PRKG1: variants seen among roughly 807,000 people sequenced by gnomAD.
The protein encoded by PRKG1 is cGMP-dependent protein kinase 1.
Under a neutral mutation model 88.1 loss-of-function variants are expected in PRKG1, and 35 were observed. That is an observed-to-expected ratio of 0.40 (90% confidence interval 0.30 to 0.53). The LOEUF is 0.53. PRKG1 is among the 20% of genes least tolerant of loss of function. PRKG1 has a pLI of 0.59. For missense variants in PRKG1, 540 were observed against 839.8 expected (o/e 0.64, Z 4.41); for synonymous variants, 303 against 292.5 (o/e 1.04, Z -0.37).
intron 4 of PRKG1, among the ~76,000 whole-genome samples, chr10:51,808,203 A>G (rs762967259): frequency 3.2e-4 from 48 of 152,304 alleles, no homozygotes; most frequent in Non-Finnish European, 6.0e-4. Context: ...TTTACATCAT[A>G]TAAAACTTTA....
intron 1 of PRKG1, among the ~76,000 whole-genome samples, chr10:51,000,716 G>T (rs1412276007): frequency 6.6e-6 from 1 of 152,150 alleles, no homozygotes; most frequent in African/African-American, 2.4e-5. Context: ...GTTGCTGAGG[G>T]TAAGGCTAAG....
chr10:51,947,383 A>C (rs979763379), intron 5 of PRKG1, among the ~76,000 whole-genome samples: 2 of 152,078 alleles, frequency 1.3e-5, no homozygotes, highest in African/African-American at 4.8e-5. Context: ...TTCTTTGACT[A>C]GGAAAGGGAA....
intron 2 of PRKG1, among the ~76,000 whole-genome samples, chr10:51,432,914 T>G (rs1161663939): frequency 3.3e-5 from 5 of 152,154 alleles, no homozygotes; most frequent in African/African-American, 9.6e-5. Context: ...TAGGTCTGAA[T>G]AGATAGAATA....
intron 2 of PRKG1, among the ~76,000 whole-genome samples, chr10:51,193,072 T>C (rs996335997): frequency 3.3e-5 from 5 of 152,022 alleles, no homozygotes; most frequent in Non-Finnish European, 5.9e-5. Context: ...ATGGAATCTT[T>C]ACTAGGGAAA....
At chr10:51,755,557 T>G (rs1837838284) in intron 3 of PRKG1, among the ~76,000 whole-genome samples, 1 of 152,192 alleles carries the variant, frequency 6.6e-6, no homozygotes. Flanking sequence ...ACCTAAGCAT[T>G]TTTTGCACAG....
At chr10:51,354,423 A>ATTT (rs1842320776) in intron 2 of PRKG1, among the ~76,000 whole-genome samples, 1 of 152,154 alleles carries the variant, frequency 6.6e-6, no homozygotes, top group South Asian at 2.1e-4. Context: ...CATGTACCTT[A>ATTT]TAAACATATA....
intron 5 of PRKG1, among the ~76,000 whole-genome samples, chr10:51,974,745 T>C (rs1343730693): frequency 6.6e-6 from 1 of 152,192 alleles, no homozygotes; most frequent in Non-Finnish European, 1.5e-5. Context: ...TATCATTTTC[T>C]GAACCCCAAA....
At chr10:51,356,593 C>T (rs1191836137) in intron 2 of PRKG1, among the ~76,000 whole-genome samples, 1 of 151,964 alleles carries the variant, frequency 6.6e-6, no homozygotes, top group African/African-American at 2.4e-5. Flanking sequence ...TCCTCTGCTG[C>T]TTCTGCCTTT....
chr10:51,975,810 T>C (rs1843818128), intron 5 of PRKG1, among the ~76,000 whole-genome samples: 2 of 152,052 alleles, frequency 1.3e-5, no homozygotes, highest in Admixed American at 1.3e-4. Flanking sequence ...AATAAACACA[T>C]TTTGTTCTCA....
At chr10:51,371,296 G>A (rs1303158760) in intron 2 of PRKG1, among the ~76,000 whole-genome samples, 2 of 152,020 alleles carry the variant, frequency 1.3e-5, no homozygotes, top group Non-Finnish European at 2.9e-5. Context: ...CAGCTACTTG[G>A]GAGGTTGATC....
intron 5 of PRKG1, among the ~76,000 whole-genome samples, chr10:52,028,789 T>C (rs1309859463): frequency 1.3e-5 from 2 of 152,260 alleles, no homozygotes; most frequent in African/African-American, 4.8e-5. Context: ...GATTGTGGAA[T>C]ATTAGTGTAA....
At chr10:51,400,439 T>G (rs1837705990) in intron 2 of PRKG1, among the ~76,000 whole-genome samples, 1 of 151,770 alleles carries the variant, frequency 6.6e-6, no homozygotes, top group Admixed American at 6.6e-5. Flanking sequence ...AGAGATGGAG[T>G]CTTCTGCCAG....
At chr10:52,166,799 A>ATATATGTATATATATGTG (rs530936087) in intron 9 of PRKG1, among the ~76,000 whole-genome samples, 2 of 70,800 alleles carry the variant, frequency 2.8e-5, no homozygotes, top group African/African-American at 1.1e-4. Context: ...ATATATATAC[A>ATATATGTATATATATGTG]TATATATATG....
intron 6 of PRKG1, among the ~76,000 whole-genome samples, chr10:52,055,871 A>T (rs74376774): frequency 0.014 from 2,144 of 152,318 alleles, 52 homozygotes; most frequent in African/African-American, 0.049. Flanking sequence ...ACAGAGCTAC[A>T]GTGAATAGAA....
chr10:51,022,789 G>C (rs749131251), intron 1 of PRKG1, among the ~76,000 whole-genome samples: 1 of 152,106 alleles, frequency 6.6e-6, no homozygotes, highest in African/African-American at 2.4e-5. Context: ...TAGAACATAG[G>C]ATTTAACATA....
chr10:52,191,415 G>A (rs1456273887), intron 9 of PRKG1, among the ~76,000 whole-genome samples: 2 of 150,922 alleles, frequency 1.3e-5, no homozygotes, highest in African/African-American at 2.4e-5. Context: ...CAATCCACCC[G>A]CCTTGGCCTC....
chr10:51,192,560 G>C (rs922230031), intron 2 of PRKG1, among the ~76,000 whole-genome samples: 1 of 151,826 alleles, frequency 6.6e-6, no homozygotes, highest in Non-Finnish European at 1.5e-5. Context: ...ATGTTACTGG[G>C]GAGTTAGGAA....
At chr10:52,288,881 A>T (rs1564547155) in intron 15 of PRKG1, 33 bp downstream of exon 15, 3 of 1,595,996 alleles carry the variant, frequency 1.9e-6, no homozygotes, top group Non-Finnish European at 2.6e-6. Flanking sequence ...TTTTGAAAAC[A>T]TCATAATGTG....
At chr10:52,293,516 C>T in intron 17 of PRKG1, among the ~76,000 whole-genome samples, 1 of 152,148 alleles carries the variant, frequency 6.6e-6, no homozygotes, top group East Asian at 1.9e-4. Flanking sequence ...CTTATACTTT[C>T]ATGGCATCTT....
Sources: allele counts gnomAD v4.1 joint callset (sites outside exome capture counted in the v4.1 genomes callset), GRCh38; gene constraint gnomAD v4.1.1; transcripts MANE v1.5; gene names NCBI Gene and HGNC (gene_info 2026-07-23, HGNC 2026-07-21).